Variants in ARHGEF7 observed in about 807,000 individuals in gnomAD.
ARHGEF7 encodes the protein PAK-interacting exchange factor beta.
ARHGEF7 carries 33 observed loss-of-function variants against 109.8 expected under a neutral mutation model. The ratio of observed to expected loss-of-function variants is 0.30; its 90% CI spans 0.23 to 0.40. ARHGEF7 has a LOEUF of 0.40. ARHGEF7 is among the 10% of genes least tolerant of loss of function. The probability of loss-of-function intolerance (pLI) is 1.00; values close to 1 mark genes in which losing one functional copy is unlikely to be tolerated. For synonymous variants in ARHGEF7, 458 were observed against 424.6 expected, an observed-to-expected ratio of 1.08 and a Z score of -0.97; for missense variants, 938 against 1,098.5, an observed-to-expected ratio of 0.85 and a Z score of 2.07.
chr13:111,154,101 A>T, intron 2 of ARHGEF7, 110 bp downstream of exon 2: 2 of 1,127,318 alleles, frequency 1.8e-6, no homozygotes, highest in Non-Finnish European at 2.4e-6. Flanking sequence ...CCCGGATCCG[A>T]CCCTCCCCGG....
intron 8 of ARHGEF7, among the ~76,000 whole-genome samples, chr13:111,263,003 C>T (rs950057466): frequency 1.3e-5 from 2 of 152,246 alleles, no homozygotes; most frequent in Non-Finnish European, 2.9e-5. Context: ...TTATCACACT[C>T]TGAAGAGCAG....
At chr13:111,284,626 C>G (rs2092937113) in intron 16 of ARHGEF7, among the ~76,000 whole-genome samples, 1 of 152,214 alleles carries the variant, frequency 6.6e-6, no homozygotes, top group Non-Finnish European at 1.5e-5. Context: ...TGAAGATAAA[C>G]AATTTTTTTT....
chr13:111,286,268 G>A (rs2093013357), intron 17 of ARHGEF7, 28 bp downstream of exon 17: 1 of 1,577,796 alleles, frequency 6.3e-7, no homozygotes, highest in African/African-American at 1.3e-5. Context: ...GTGTGGTGGA[G>A]GACGTGGCCT....
chr13:111,245,742 T>G (rs2088717359), intron 8 of ARHGEF7, among the ~76,000 whole-genome samples: 1 of 152,252 alleles, frequency 6.6e-6, no homozygotes, highest in South Asian at 2.1e-4. Flanking sequence ...TTGTCTCCAC[T>G]GCTTTACGAC....
At chr13:111,129,420 G>A (rs772203962) in intron 1 of ARHGEF7, among the ~76,000 whole-genome samples, 2 of 152,112 alleles carry the variant, frequency 1.3e-5, no homozygotes, top group Admixed American at 6.5e-5. Flanking sequence ...TTTAAAAGAC[G>A]CTGTTAAGAG....
At chr13:111,174,513 C>G (rs1194249342) in intron 2 of ARHGEF7, among the ~76,000 whole-genome samples, 1 of 152,198 alleles carries the variant, frequency 6.6e-6, no homozygotes, top group East Asian at 1.9e-4. Context: ...TTCTCGCAGT[C>G]TTGCTCTTGC....
chr13:111,214,133 C>A (rs1458032352), intron 4 of ARHGEF7, among the ~76,000 whole-genome samples: 1 of 152,230 alleles, frequency 6.6e-6, no homozygotes, highest in Non-Finnish European at 1.5e-5. Context: ...GCCGCCCTTT[C>A]TTTCTGGGGT....
At chr13:111,254,264 C>T (rs2090146162) in intron 8 of ARHGEF7, among the ~76,000 whole-genome samples, 3 of 152,226 alleles carry the variant, frequency 2.0e-5, no homozygotes, top group African/African-American at 7.2e-5. Flanking sequence ...TTAAATAAAT[C>T]GGTTAACTGC....
At chr13:111,238,710 G>A (rs1367127525) in intron 6 of ARHGEF7, among the ~76,000 whole-genome samples, 1 of 152,052 alleles carries the variant, frequency 6.6e-6, no homozygotes, top group Admixed American at 6.6e-5. Flanking sequence ...AGGCTGGAGA[G>A]AATGATGGTC....
At chr13:111,148,520 A>C (rs142136959) in intron 1 of ARHGEF7, among the ~76,000 whole-genome samples, 43 of 152,320 alleles carry the variant, frequency 2.8e-4, no homozygotes, top group South Asian at 1.9e-3. Context: ...CAGACCCTCA[A>C]CTTACATACA....
chr13:111,140,244 A>G (rs1327869554), intron 1 of ARHGEF7, among the ~76,000 whole-genome samples: 1 of 152,192 alleles, frequency 6.6e-6, no homozygotes, highest in Non-Finnish European at 1.5e-5. Flanking sequence ...CTGCAGCTGG[A>G]GCGTGTATTG....
chr13:111,174,501 C>T (rs2077927040), intron 2 of ARHGEF7, among the ~76,000 whole-genome samples: 1 of 152,194 alleles, frequency 6.6e-6, no homozygotes, highest in Admixed American at 6.5e-5. Flanking sequence ...CTTCCTTCAC[C>T]TTTCTCGCAG....
At chr13:111,297,133 C>T (rs772627906) in intron 19 of ARHGEF7, among the ~76,000 whole-genome samples, 29 of 152,196 alleles carry the variant, frequency 1.9e-4, no homozygotes, top group South Asian at 2.1e-4. Flanking sequence ...AGTCAACTTA[C>T]GTAAACCTGG....
At chr13:111,193,630 C>T (rs186451108) in intron 2 of ARHGEF7, among the ~76,000 whole-genome samples, 6 of 152,334 alleles carry the variant, frequency 3.9e-5, no homozygotes, top group East Asian at 3.9e-4. Context: ...TTCCAAGTCT[C>T]GGTTAAGTGC....
chr13:111,179,928 C>T (rs779068085), intron 2 of ARHGEF7, among the ~76,000 whole-genome samples: 1 of 152,208 alleles, frequency 6.6e-6, no homozygotes, highest in African/African-American at 2.4e-5. Flanking sequence ...CACAGTTGGT[C>T]ACTAGGTTAA....
At chr13:111,242,669 C>T (rs1199520622) in intron 6 of ARHGEF7, among the ~76,000 whole-genome samples, 3 of 152,232 alleles carry the variant, frequency 2.0e-5, no homozygotes, top group African/African-American at 7.2e-5. Context: ...CCTTCAGGAT[C>T]CTCAGCGTGC....
intron 2 of ARHGEF7, among the ~76,000 whole-genome samples, chr13:111,200,555 G>C (rs889516638): frequency 8.6e-5 from 13 of 151,996 alleles, no homozygotes; most frequent in Non-Finnish European, 1.8e-4. Flanking sequence ...CCCTTCCCAG[G>C]TGAGGAACGG....
In ARHGEF7 at chr13:111,217,834, G is replaced by T; in HGVS notation, c.624G>T (p.Arg208=). 6.2e-7 allele frequency: 1 copy of T among 1,613,952 alleles called. No homozygotes were observed. The highest frequency in any genetic ancestry group is 1.3e-5 in the African/African-American group (1 of 75,064). The change falls in exon 5 of 22, where the codon CGG becomes CGT. Residue 208 remains arginine (R), a synonymous_variant. Transcript: ENST00000646102. ...GGWWEGTLNG[R]TGWFPSNYVR... ...GGTGGGAGGGCACACTCAACGGCCG[G>T]ACCGGCTGGTTCCCCAGCAACTACG...
At chr13:111,293,078 T>C in intron 19 of ARHGEF7, 1 of 985,478 alleles carries the variant, frequency 1.0e-6, no homozygotes, top group Non-Finnish European at 1.2e-6. Flanking sequence ...TGCAGTGATT[T>C]CTGTTATAAG....
Sources: allele counts gnomAD v4.1 joint callset (sites outside exome capture counted in the v4.1 genomes callset), GRCh38; gene constraint gnomAD v4.1.1; transcripts MANE v1.5; gene names NCBI Gene and HGNC (gene_info 2026-07-23, HGNC 2026-07-21).